Variants in FIGNL2 observed in about 807,000 individuals in gnomAD.
FIGNL2 encodes fidgetin like 2.
For missense variants in FIGNL2, 1,060 were observed against 950.2 expected (o/e 1.12, Z -1.52); for synonymous variants, 565 against 484.0 (o/e 1.17, Z -2.20).
At chr12:51,847,102 G>A (rs1939768097) in intron 1 of FIGNL2, 1 of 985,308 alleles carries the variant, frequency 1.0e-6, no homozygotes, top group Non-Finnish European at 1.2e-6. Flanking sequence ...ACAGCACCGG[G>A]CAGCCCGGCG....
chr12:51,826,268 T>C (rs958398901), intron 1 of FIGNL2, among the ~76,000 whole-genome samples: 1 of 152,132 alleles, frequency 6.6e-6, no homozygotes, highest in Non-Finnish European at 1.5e-5. Flanking sequence ...CCTTTTTCCC[T>C]TCTTCCTTCT....
rs1939207735 is a variant in FIGNL2 at position 51,821,778 on chromosome 12, C to T, written c.636G>A (p.Ala212=). 3.9e-6 allele frequency: 5 copies of T among 1,278,524 alleles called. No individual in the cohort carries two copies. Among genetic ancestry groups the T allele is most frequent in the African/African-American group, 1.6e-5 (1 of 63,930 alleles). The allele number at this position is 1,278,524 out of a possible 1,614,324, so 79.2% of individuals were successfully genotyped here. A position where few individuals can be genotyped will look rare whatever the true frequency, so the allele number is the denominator to read the frequency against. ...GCGGGAGCGCGCCATAGCCGGGCTG[C>T]GCTGCGTAGCCCCCTGCGGGATAGT... is the stretch of plus-strand genomic sequence containing the variant. The part of the protein sequence containing the change: ...LYNYPAGGYA[A]QPGYGALPPP... The change falls in exon 2 of 2, where the codon GCG becomes GCA. Residue 212 remains alanine, a synonymous_variant. Coordinates refer to ENST00000618634, the MANE Select transcript of FIGNL2 (RefSeq NM_001384995.1).
Position 51,845,366 on chromosome 12 carries a change from T to A in FIGNL2, c.-12+3174A>T, listed in dbSNP as rs996943010. ...CAGGGTCCCTCTGCCCTGATCTCCC[T>A]CACCAGACAGCCAGCTCCCAAAAGG... On this transcript the variant is annotated intron_variant, in intron 1 of 1. Coordinates refer to ENST00000618634, the MANE Select transcript of FIGNL2 (RefSeq NM_001384995.1). 9.0e-6 allele frequency: 6 copies of A among 669,982 alleles called. No individual in the cohort carries two copies. The African/African-American group carries it at 1.2e-4, about 13-fold the overall frequency. The allele number at this position is 669,982 out of a possible 1,614,324, so 41.5% of individuals were successfully genotyped here.
chr12:51,843,172 G>A (rs544976085), intron 1 of FIGNL2, among the ~76,000 whole-genome samples: 3 of 152,262 alleles, frequency 2.0e-5, no homozygotes, highest in Non-Finnish European at 4.4e-5. Context: ...CTGGACACCC[G>A]CGGGAGCAGC....
At position 51,822,369 on chromosome 12, in the gene FIGNL2, T is replaced by G. The variant is rs1458731694; in HGVS notation, c.45A>C (p.Pro15=). Residue 15 remains proline, a synonymous_variant, in exon 2 of 2, where the codon CCA becomes CCC. Transcript: ENST00000618634. ...PEHAQPLNQW[P]EQHLDVSSTT... The stretch of plus-strand genomic sequence containing the variant: ...TGGAGGAGACGTCCAGGTGCTGCTC[T>G]GGCCACTGGTTGAGGGGCTGGGCGT... 6.2e-7 allele frequency: 1 copy of G among 1,613,680 alleles called. No homozygotes were observed.
In FIGNL2 at chr12:51,829,793, GAAGGAAGGAAGGGAGAA is replaced by G. The variant is rs1440380732; in HGVS notation, c.-11-7386_-11-7370del. On this transcript the variant is annotated intron_variant, in intron 1 of 1. Coordinates refer to ENST00000618634, the MANE Select transcript of FIGNL2 (RefSeq NM_001384995.1). ...GGAAGGGAAGAGAGGAAAAAAGAAG[GAAGGAAGGAAGGGAGAA>G]AAGGAAGGAAGAGAGGGAGGGAGAG... Among the ~76,000 whole-genome samples the G allele has an allele frequency of 2.7e-5, 4 of 150,230 alleles. No individual in the cohort carries two copies. The East Asian group carries it at 7.8e-4, about 29-fold the overall frequency.
At chr12:51,827,999 T>C (rs566306) in intron 1 of FIGNL2, among the ~76,000 whole-genome samples, 130,704 of 152,214 alleles carry the variant, frequency 0.86, 56,330 homozygotes, top group East Asian at 0.98. Flanking sequence ...CACTTGCCTA[T>C]AAGGGCTCTC....
Position 51,820,878 on chromosome 12 carries a change from C to A in FIGNL2, c.1536G>T (p.Val512=). 1 of 1,374,662 alleles carries A rather than the reference C, an allele frequency of 7.3e-7. No homozygotes were observed. Among genetic ancestry groups the A allele is most frequent in the Non-Finnish European group, 9.3e-7 (1 of 1,072,548 alleles). The allele number at this position is 1,374,662 out of a possible 1,614,324, so 85.2% of individuals were successfully genotyped here. A position where few individuals can be genotyped will look rare whatever the true frequency, so the allele number is the denominator to read the frequency against. The stretch of plus-strand genomic sequence containing the variant: ...CCCCGTCCAGGCAGGCCAGGAGCGG[C>A]ACCTGCAGCGCGCCCCCTGCCGCCG... The part of the protein sequence containing the change: ...DGAAAGGALQ[V]PLLACLDGGC... Residue 512 remains valine (V), a synonymous_variant, in exon 2 of 2, where the codon GTG becomes GTT. Coordinates refer to ENST00000618634, the MANE Select transcript of FIGNL2 (RefSeq NM_001384995.1).
chr12:51,847,611 G>A (rs1369757337), intron 1 of FIGNL2: 1 of 985,106 alleles, frequency 1.0e-6, no homozygotes, highest in Non-Finnish European at 1.2e-6. Context: ...CTGGGCGCAG[G>A]GTCCAGGCCG....
At chr12:51,841,796 A>G (rs966454500) in intron 1 of FIGNL2, 1 of 152,282 alleles carries the variant, frequency 6.6e-6, no homozygotes, top group Non-Finnish European at 1.5e-5. Context: ...AGGAGTGGGG[A>G]GGAGAAAGGC....
rs1406020760 is a variant in FIGNL2 at position 51,820,629 on chromosome 12, C to G, written c.1785G>C (p.Gly595=). The change falls in exon 2 of 2, where the codon GGG becomes GGC. Residue 595 remains glycine (G), a synonymous_variant. Coordinates refer to ENST00000618634, the MANE Select transcript of FIGNL2 (RefSeq NM_001384995.1). The stretch of plus-strand genomic sequence containing the variant: ...GCTGGCACAGCTGCCCCAGCTCGCC[C>G]CCAGAGAAGCCCTGCGTGCCCTGCA... The part of the protein sequence containing the change: ...ALVQGTQGFS[G]GELGQLCQQA... The G allele has an allele frequency of 6.6e-7, 1 of 1,525,600 alleles. No individual in the cohort carries two copies. The highest frequency in any genetic ancestry group is 2.0e-5 in the Admixed American group (1 of 50,418). 94.5% of individuals were successfully genotyped at this position (1,525,600 alleles called of 1,614,324 possible). A position where few individuals can be genotyped will look rare whatever the true frequency, so the allele number is the denominator to read the frequency against.
chr12:51,822,545 C>G, intron 1 of FIGNL2, 121 bp from the exon 2 acceptor site: 1 of 1,055,536 alleles, frequency 9.5e-7, no homozygotes, highest in South Asian at 1.4e-5. Flanking sequence ...CCGGCATCCA[C>G]CACCTACCGC....
rs1044322425 is a variant in FIGNL2, at chr12:51,832,935, G to A, written c.-11-10511C>T. Among the ~76,000 whole-genome samples the A allele has an allele frequency of 3.9e-5, 6 of 152,164 alleles. No individual in the cohort carries two copies. In the East Asian group the frequency reaches 9.6e-4, roughly 24 times the overall value. The stretch of plus-strand genomic sequence containing the variant: ...TAGTTGCTCAAGCCAGAAACCTTGC[G>A]GTCATCCTTAACTTCTCTTTCACTC... On this transcript the variant is annotated intron_variant, in intron 1 of 1. Transcript: ENST00000618634.
At position 51,821,159 on chromosome 12, in the gene FIGNL2, G is replaced by C; in HGVS notation, c.1255C>G (p.Pro419Ala). 1 of 1,475,458 alleles carries C rather than the reference G, an allele frequency of 6.8e-7. No individual in the cohort carries two copies. Among genetic ancestry groups the C allele is most frequent in the Non-Finnish European group, 8.9e-7 (1 of 1,124,248 alleles). The allele number at this position is 1,475,458 out of a possible 1,614,324, so 91.4% of individuals were successfully genotyped here. The change falls in exon 2 of 2, where the codon CCG (proline) becomes GCG (alanine). Residue 419 changes from proline (P) to alanine (A), a missense_variant. Physicochemically the swap from Pro to Ala is conservative, Grantham distance 27. Coordinates refer to ENST00000618634, the MANE Select transcript of FIGNL2 (RefSeq NM_001384995.1). ...VWPLLRPPAYPGSLRPPRTVL... is the reference protein window; with the variant it reads ...VWPLLRPPAYAGSLRPPRTVL... ...GTCCGCGGCGGGCGCAGGCTGCCCG[G>C]GTAGGCGGGCGGCCTGAGCAGGGGC...
At position 51,820,397 on chromosome 12, in the gene FIGNL2, G is replaced by A. The variant is rs1024883678; in HGVS notation, c.*55C>T. The stretch of plus-strand genomic sequence containing the variant: ...GTTTAGTCAGTGACATCCCTCCCAC[G>A]CGGAGGCGGCGGGGACGGAGGGACT... On this transcript the variant is annotated 3_prime_UTR_variant, in exon 2 of 2. Coordinates refer to ENST00000618634, the MANE Select transcript of FIGNL2 (RefSeq NM_001384995.1). The A allele has an allele frequency of 5.8e-6, 9 of 1,541,520 alleles. No homozygotes were observed. Among genetic ancestry groups the A allele is most frequent in the Non-Finnish European group, 7.8e-6 (9 of 1,150,508 alleles).
intron 1 of FIGNL2, among the ~76,000 whole-genome samples, chr12:51,839,890 T>G (rs2138998910): frequency 6.6e-6 from 1 of 152,234 alleles, no homozygotes; most frequent in East Asian, 1.9e-4. Flanking sequence ...GTCCCCTCCC[T>G]CAGAAAACAT....
chr12:51,829,238 G>A (rs1030077953), intron 1 of FIGNL2, among the ~76,000 whole-genome samples: 2 of 152,202 alleles, frequency 1.3e-5, no homozygotes, highest in Non-Finnish European at 2.9e-5. Context: ...ATTCACCAAG[G>A]CTCCCACAGG....
chr12:51,847,655 G>A (rs910494169), intron 1 of FIGNL2: 1 of 985,406 alleles, frequency 1.0e-6, no homozygotes, highest in African/African-American at 1.7e-5. Flanking sequence ...CCCTTCCCAG[G>A]CCTCCTCCTC....
intron 1 of FIGNL2, chr12:51,844,587 C>A (rs1939712698): frequency 3.2e-6 from 2 of 621,190 alleles, no homozygotes; most frequent in Admixed American, 1.3e-4. Context: ...GAGGTGGACA[C>A]CATTCTTCAC....
Sources: gnomAD v4.1 joint callset for allele counts (sites outside exome capture counted in the v4.1 genomes callset) on GRCh38, gnomAD v4.1.1 for gene constraint, MANE v1.5 for transcripts, NCBI Gene and HGNC (gene_info 2026-07-23, HGNC 2026-07-21) for gene names.